MYO3A: variants seen among roughly 807,000 people sequenced by gnomAD.
MYO3A encodes the protein myosin IIIA, also known as myosin-IIIa.
Under a neutral mutation model 192.7 loss-of-function variants are expected in MYO3A, and 180 were observed. That is an observed-to-expected ratio of 0.93 (90% CI 0.83 to 1.06). The LOEUF is 1.06. Ranked by LOEUF, MYO3A falls within the 50% of genes least tolerant of loss-of-function variation. The pLI is 0.00. For missense variants in MYO3A, 1,896 were observed against 1,905.0 expected, an observed-to-expected ratio of 1.00 and a Z score of 0.09; for synonymous variants, 628 against 645.3, an observed-to-expected ratio of 0.97 and a Z score of 0.41.
intron 34 of MYO3A, among the ~76,000 whole-genome samples, chr10:26,203,811 C>G (rs931438652): frequency 6.6e-5 from 10 of 152,170 alleles, no homozygotes; most frequent in African/African-American, 2.2e-4. Flanking sequence ...AGAACCCTCA[C>G]CCATTTTACA....
intron 27 of MYO3A, among the ~76,000 whole-genome samples, chr10:26,168,274 T>C (rs1841863177): frequency 6.6e-6 from 1 of 152,212 alleles, no homozygotes; most frequent in Non-Finnish European, 1.5e-5. Flanking sequence ...TAATAAACAT[T>C]AGATGAATTA....
chr10:26,056,710 A>G (rs1165342840), intron 10 of MYO3A, among the ~76,000 whole-genome samples: 2 of 152,190 alleles, frequency 1.3e-5, no homozygotes, highest in African/African-American at 4.8e-5. Flanking sequence ...GCAAAGCGCT[A>G]TCTTCCCTCA....
At chr10:25,996,387 G>C (rs1225669653) in intron 4 of MYO3A, 103 bp from the exon 5 acceptor site, 1 of 868,606 alleles carries the variant, frequency 1.2e-6, no homozygotes, top group Non-Finnish European at 1.9e-6. Context: ...TCATTTGAAA[G>C]AGAACATTGG....
intron 10 of MYO3A, among the ~76,000 whole-genome samples, chr10:26,040,419 T>A (rs1348920808): frequency 6.6e-6 from 1 of 152,178 alleles, no homozygotes; most frequent in Non-Finnish European, 1.5e-5. Flanking sequence ...GATGTTAACA[T>A]CACTTGGAGG....
intron 23 of MYO3A, among the ~76,000 whole-genome samples, chr10:26,148,558 A>G (rs979747581): frequency 3.9e-5 from 6 of 152,190 alleles, no homozygotes; most frequent in Non-Finnish European, 4.4e-5. Context: ...TTTGATTGGA[A>G]TGCACTGAAA....
At chr10:26,048,613 G>T in intron 10 of MYO3A, among the ~76,000 whole-genome samples, 1 of 152,004 alleles carries the variant, frequency 6.6e-6, no homozygotes, top group East Asian at 1.9e-4. Flanking sequence ...GGGCAGCCCA[G>T]ACTAAAGTAT....
chr10:26,108,259 C>T lies in MYO3A; in HGVS notation c.1776+11577C>T, dbSNP rs550467760. 7.9e-5 allele frequency among the ~76,000 whole-genome samples: 12 copies of T among 152,242 alleles called. No individual in the cohort carries two copies. The South Asian group carries it at 1.2e-3, about 16-fold the overall frequency. On this transcript the variant is annotated intron_variant, in intron 17 of 34. Coordinates refer to ENST00000642920, the MANE Select transcript of MYO3A (RefSeq NM_017433.5). The stretch of plus-strand genomic sequence containing the variant: ...TCTGGAATTTTAGATGAACTCTTTC[C>T]GCAATTTGTTGAATTTTGATTTCAT...
intron 31 of MYO3A, among the ~76,000 whole-genome samples, chr10:26,189,200 C>A (rs1013419509): frequency 6.6e-6 from 1 of 152,200 alleles, no homozygotes; most frequent in African/African-American, 2.4e-5. Context: ...ATGTGTGTGT[C>A]TGTCTTAATC....
chr10:26,070,991 T>C (rs554766294), intron 14 of MYO3A, among the ~76,000 whole-genome samples: 92 of 151,454 alleles, frequency 6.1e-4, no homozygotes, highest in Non-Finnish European at 1.1e-3. Flanking sequence ...GATCTATAGA[T>C]ATAATGCAAT....
rs1564448305 is a variant in MYO3A, at chr10:26,002,581, A to AAGTCAGGGTGGACCAGGTAATCGGAATG, written c.508+5392_508+5419dup. Among the ~76,000 whole-genome samples the AAGTCAGGGTGGACCAGGTAATCGGAATG allele has an allele frequency of 1.2e-3, 173 of 145,470 alleles. 1 individual carries two copies. The highest frequency in any genetic ancestry group is 4.5e-3 in the African/African-American group (164 of 36,322). ...TTATGACCGAGCAGGTAATCGGAATAAGTCAGGGTGGACCAGGTAATCGGA... is the reference window on the plus strand; with the variant it reads ...TTATGACCGAGCAGGTAATCGGAATAAGTCAGGGTGGACCAGGTAATCGGAATGAGTCAGGGTGGACCAGGTAATCGGA... On this transcript the variant is annotated intron_variant, in intron 6 of 34. Transcript: ENST00000642920.
chr10:26,116,119 G>A (rs967839496), intron 17 of MYO3A, among the ~76,000 whole-genome samples: 2 of 152,028 alleles, frequency 1.3e-5, no homozygotes, highest in African/African-American at 4.8e-5. Flanking sequence ...AGTTTGCTAG[G>A]GCTGCCATAA....
At chr10:26,076,775 T>C (rs989137555) in intron 14 of MYO3A, among the ~76,000 whole-genome samples, 12 of 152,176 alleles carry the variant, frequency 7.9e-5, no homozygotes, top group African/African-American at 2.7e-4. Flanking sequence ...TTTATGTTTT[T>C]ATTTGCTTTG....
intron 31 of MYO3A, among the ~76,000 whole-genome samples, chr10:26,180,164 G>C (rs1223576583): frequency 6.6e-6 from 1 of 152,100 alleles, no homozygotes; most frequent in Non-Finnish European, 1.5e-5. Context: ...TAAAATTCCT[G>C]AGTATAGTAT....
intron 4 of MYO3A, among the ~76,000 whole-genome samples, chr10:25,969,209 C>A (rs1035864805): frequency 1.2e-4 from 19 of 152,114 alleles, no homozygotes; most frequent in Non-Finnish European, 2.4e-4. Flanking sequence ...CTCCAGCCAG[C>A]CTGGGCAACA....
At chr10:25,947,149 A>G (rs1836894578) in intron 2 of MYO3A, among the ~76,000 whole-genome samples, 1 of 151,702 alleles carries the variant, frequency 6.6e-6, no homozygotes, top group South Asian at 2.1e-4. Flanking sequence ...TAATTACAAG[A>G]AATTTGTCTT....
At chr10:26,021,359 TCTC>T (rs1346776716) in intron 7 of MYO3A, 141 bp from the exon 8 acceptor site, 5 of 933,318 alleles carry the variant, frequency 5.4e-6, no homozygotes, top group African/African-American at 1.6e-5. Context: ...GATCTTTTAT[TCTC>T]CTCCTAAGTT....
At chr10:26,074,796 A>T (rs1401170649) in intron 14 of MYO3A, among the ~76,000 whole-genome samples, 1 of 151,878 alleles carries the variant, frequency 6.6e-6, no homozygotes, top group Non-Finnish European at 1.5e-5. Flanking sequence ...TTGATGTGAT[A>T]TCCAAAAAAT....
chr10:26,120,351 G>C (rs1054617495), intron 17 of MYO3A, among the ~76,000 whole-genome samples: 1 of 152,096 alleles, frequency 6.6e-6, no homozygotes, highest in African/African-American at 2.4e-5. Context: ...ATTCTGCATG[G>C]ATAGATTTAT....
chr10:26,184,895 G>C (rs1351325584), intron 31 of MYO3A, among the ~76,000 whole-genome samples: 2 of 152,200 alleles, frequency 1.3e-5, no homozygotes, highest in East Asian at 3.8e-4. Context: ...GATGAGGTTA[G>C]TAGAGAGTGT....
Sources: gnomAD v4.1 joint callset for allele counts (sites outside exome capture counted in the v4.1 genomes callset) on GRCh38, gnomAD v4.1.1 for gene constraint, MANE v1.5 for transcripts, NCBI Gene and HGNC (gene_info 2026-07-23, HGNC 2026-07-21) for gene names.